Variants in CHN2 observed in about 807,000 individuals in gnomAD.
CHN2 encodes the protein beta-chimaerin.
In CHN2, 35 loss-of-function variants were observed where a neutral mutation model predicts 56.3. The ratio of observed to expected loss-of-function variants is 0.62; its 90% CI spans 0.47 to 0.82. The LOEUF (loss-of-function observed/expected upper bound fraction) is 0.82. CHN2 is among the 40% of genes least tolerant of loss of function. CHN2 has a pLI of 0.00. For missense variants in CHN2, 491 were observed against 580.5 expected, an observed-to-expected ratio of 0.85 and a Z score of 1.58; for synonymous variants, 210 against 212.8, an observed-to-expected ratio of 0.99 and a Z score of 0.12.
intron 6 of CHN2, among the ~76,000 whole-genome samples, chr7:29,461,988 T>TTGTCTATAAACA (rs1186563809): frequency 6.6e-6 from 1 of 152,210 alleles, no homozygotes; most frequent in African/African-American, 2.4e-5. Context: ...ACTGAAACAT[T>TTGTCTATAAACA]TGTGTCTATA....
chr7:29,161,211 G>C (rs1795132129), intron 2 of CHN2, among the ~76,000 whole-genome samples: 1 of 152,108 alleles, frequency 6.6e-6, no homozygotes, highest in African/African-American at 2.4e-5. Context: ...TCATGTCTTA[G>C]CACATGAGGG....
chr7:29,226,681 G>A (rs1419758359), intron 1 of CHN2, among the ~76,000 whole-genome samples: 6 of 152,142 alleles, frequency 3.9e-5, no homozygotes, highest in Non-Finnish European at 1.5e-5. Context: ...ATATCAATTT[G>A]CCTATGCTAT....
chr7:29,215,707 G>T (rs1785285638), intron 1 of CHN2, among the ~76,000 whole-genome samples: 1 of 151,940 alleles, frequency 6.6e-6, no homozygotes, highest in Admixed American at 6.6e-5. Flanking sequence ...GTGAGTGTAT[G>T]TGTATGTCAT....
At chr7:29,380,435 T>C (rs62459637) in intron 3 of CHN2, among the ~76,000 whole-genome samples, 43,498 of 152,152 alleles carry the variant, frequency 0.29, 8,026 homozygotes, top group Non-Finnish European at 0.41. Flanking sequence ...TAGGGAGCTA[T>C]AATGCAAAAA....
chr7:29,304,196 T>G (rs752473642), intron 1 of CHN2, among the ~76,000 whole-genome samples: 1 of 152,204 alleles, frequency 6.6e-6, no homozygotes, highest in African/African-American at 2.4e-5. Flanking sequence ...ATTCGAATGT[T>G]TCAACCCCAC....
At chr7:29,255,798 C>G (rs754565827) in intron 1 of CHN2, among the ~76,000 whole-genome samples, 2 of 152,214 alleles carry the variant, frequency 1.3e-5, no homozygotes, top group African/African-American at 2.4e-5. Flanking sequence ...TCATTTCTCT[C>G]TTTGCAGGCT....
chr7:29,430,415 A>AC (rs1191975326), intron 6 of CHN2, among the ~76,000 whole-genome samples: 3 of 152,212 alleles, frequency 2.0e-5, no homozygotes, highest in African/African-American at 7.2e-5. Context: ...AGTCCCTAGA[A>AC]CCAGAATAGG....
At chr7:29,500,181 T>G in intron 9 of CHN2, 141 bp downstream of exon 9, 1 of 520,272 alleles carries the variant, frequency 1.9e-6, no homozygotes. Context: ...ACACACTCTC[T>G]CTCTCTCACA....
intron 1 of CHN2, among the ~76,000 whole-genome samples, chr7:29,348,773 G>A (rs1797661024): frequency 6.6e-6 from 1 of 151,880 alleles, no homozygotes; most frequent in Non-Finnish European, 1.5e-5. Flanking sequence ...AAAAAAACTA[G>A]CACTCCTACA....
intron 2 of CHN2, among the ~76,000 whole-genome samples, chr7:29,188,634 G>A (rs1799006019): frequency 6.6e-6 from 1 of 152,052 alleles, no homozygotes; most frequent in Non-Finnish European, 1.5e-5. Context: ...GGGGAGTGAA[G>A]GCAGAGGACA....
intron 6 of CHN2, among the ~76,000 whole-genome samples, chr7:29,417,307 C>G (rs1803859025): frequency 1.4e-5 from 2 of 141,602 alleles, no homozygotes; most frequent in South Asian, 4.7e-4. Flanking sequence ...TGCTCATTGT[C>G]TTTGTGACAT....
At chr7:29,402,997 A>G (rs1219070739) in intron 6 of CHN2, among the ~76,000 whole-genome samples, 1 of 152,148 alleles carries the variant, frequency 6.6e-6, no homozygotes, top group African/African-American at 2.4e-5. Context: ...ATATTGCAGG[A>G]AGACACCCCA....
At chr7:29,319,014 CTT>C (rs772193683) in intron 1 of CHN2, among the ~76,000 whole-genome samples, 1 of 152,214 alleles carries the variant, frequency 6.6e-6, no homozygotes, top group African/African-American at 2.4e-5. Flanking sequence ...GTTCTCCACT[CTT>C]TGTCCAGTTG....
intron 1 of CHN2, among the ~76,000 whole-genome samples, chr7:29,209,412 C>G (rs1221739955): frequency 6.6e-6 from 1 of 152,040 alleles, no homozygotes; most frequent in Non-Finnish European, 1.5e-5. Context: ...AATATCACTC[C>G]CTGAAAAAAA....
chr7:29,508,049 T>G (rs1790806411), intron 11 of CHN2, among the ~76,000 whole-genome samples: 1 of 152,168 alleles, frequency 6.6e-6, no homozygotes, highest in Non-Finnish European at 1.5e-5. Flanking sequence ...ATACACTGTG[T>G]CAAGCAGTAT....
intron 2 of CHN2, among the ~76,000 whole-genome samples, chr7:29,367,673 A>T (rs1374955586): frequency 6.6e-6 from 1 of 152,226 alleles, no homozygotes; most frequent in Non-Finnish European, 1.5e-5. Flanking sequence ...AAAATGAACA[A>T]TGCCAGTAAC....
chr7:29,265,979 G>T (rs1790105458), intron 1 of CHN2, among the ~76,000 whole-genome samples: 1 of 152,178 alleles, frequency 6.6e-6, no homozygotes, highest in Admixed American at 6.5e-5. Flanking sequence ...GATGTGAGAG[G>T]ATGAAAAGTT....
At chr7:29,448,022 A>G (rs2128128711) in intron 6 of CHN2, among the ~76,000 whole-genome samples, 1 of 152,316 alleles carries the variant, frequency 6.6e-6, no homozygotes. Context: ...AGTTTGTTTG[A>G]AAATCACTGG....
intron 1 of CHN2, among the ~76,000 whole-genome samples, chr7:29,205,818 T>TA (rs895616236): frequency 1.8e-4 from 27 of 151,556 alleles, no homozygotes; most frequent in Admixed American, 1.1e-3. Flanking sequence ...CTTTATTATG[T>TA]AAAAAAAAAT....
Sources: gnomAD v4.1 joint callset for allele counts (sites outside exome capture counted in the v4.1 genomes callset) on GRCh38, gnomAD v4.1.1 for gene constraint, MANE v1.5 for transcripts, NCBI Gene and HGNC (gene_info 2026-07-23, HGNC 2026-07-21) for gene names.